The following IDI1 variants were observed in gnomAD, a reference collection of about 807,000 sequenced individuals.
IDI1 encodes isopentenyl-diphosphate Delta-isomerase 1.
In IDI1, 23 loss-of-function variants were observed where a neutral mutation model predicts 32.9. That is an observed-to-expected ratio of 0.70 (90% CI 0.50 to 0.99). The LOEUF (loss-of-function observed/expected upper bound fraction) is 0.99, where lower values mean the gene tolerates loss of function less well. Ranked by LOEUF, IDI1 falls within the 50% of genes least tolerant of loss-of-function variation. IDI1 has a pLI of 0.00. For synonymous variants in IDI1, 133 were observed against 128.2 expected (o/e 1.04, Z -0.25); for missense variants, 326 against 351.9 (o/e 0.93, Z 0.59).
At chr10:1,055,008 C>CA in the IDI1 span, among the ~76,000 whole-genome samples, 1 of 152,222 alleles carries the variant, frequency 6.6e-6, no homozygotes, top group Non-Finnish European at 1.5e-5. Flanking sequence ...TCACAGCTCT[C>CA]AGAAGGAATC....
At chr10:1,042,974 TG>T (rs1201747977) in intron 3 of IDI1, among the ~76,000 whole-genome samples, 2 of 152,258 alleles carry the variant, frequency 1.3e-5, no homozygotes, top group African/African-American at 4.8e-5. Context: ...TTGGTTATAA[TG>T]GGCTATCAGT....
chr10:1,050,299 T>C (rs1313835952), upstream of IDI1, among the ~76,000 whole-genome samples: 1 of 152,236 alleles, frequency 6.6e-6, no homozygotes, highest in African/African-American at 2.4e-5. Flanking sequence ...TGTTGACAGA[T>C]CTCTTTCATG....
upstream of IDI1, among the ~76,000 whole-genome samples, chr10:1,050,146 A>G (rs1377479162): frequency 6.6e-6 from 1 of 152,208 alleles, no homozygotes; most frequent in South Asian, 2.1e-4. Flanking sequence ...GCTTTTGCTC[A>G]CTGTTGTTTA....
chr10:1,048,181 G>T, intron 1 of IDI1: 1 of 1,219,516 alleles, frequency 8.2e-7, no homozygotes, highest in Non-Finnish European at 1.1e-6. Flanking sequence ...GCTCTTTCAG[G>T]ATTTTCAGAA....
upstream of IDI1, among the ~76,000 whole-genome samples, chr10:1,050,111 T>TAA (rs1458575963): frequency 1.3e-5 from 2 of 152,194 alleles, no homozygotes; most frequent in Non-Finnish European, 2.9e-5. Context: ...TGCACTCTCT[T>TAA]AAAATGTACT....
intron 3 of IDI1, 30 bp from the exon 4 acceptor site, chr10:1,042,792 A>G: frequency 6.3e-7 from 1 of 1,599,806 alleles, no homozygotes; most frequent in Non-Finnish European, 8.6e-7. Context: ...AGACAGATCA[A>G]CTTTTCTTCA....
chr10:1,040,147 C>T lies in IDI1; in HGVS notation c.*1040G>A, dbSNP rs1309040481. On this transcript the variant is annotated 3_prime_UTR_variant, in exon 5 of 5. Coordinates refer to ENST00000381344, the MANE Select transcript of IDI1 (RefSeq NM_004508.4). ...GCAAGTTTATAAAAAGTACATTGAT[C>T]AAGGTACAATTTTTAACATTAATAT... The T allele has an allele frequency of 1.3e-5, 2 of 152,130 alleles. No individual in the cohort carries two copies. Among genetic ancestry groups the T allele is most frequent in the Non-Finnish European group, 2.9e-5 (2 of 68,026 alleles). 9.4% of individuals were successfully genotyped at this position (152,130 alleles called of 1,614,324 possible).
At chr10:1,055,637 T>C in the IDI1 span, among the ~76,000 whole-genome samples, 1 of 152,254 alleles carries the variant, frequency 6.6e-6, no homozygotes, top group Non-Finnish European at 1.5e-5. Flanking sequence ...AATATTTTTT[T>C]CCTTGGCGTT....
chr10:1,045,737 G>C (rs988899215), intron 1 of IDI1, among the ~76,000 whole-genome samples: 2 of 152,250 alleles, frequency 1.3e-5, no homozygotes, highest in Non-Finnish European at 2.9e-5. Flanking sequence ...AAAGTGTTGA[G>C]ATTACAGGAG....
intron 1 of IDI1, among the ~76,000 whole-genome samples, chr10:1,044,410 C>T (rs144487171): frequency 1.3e-5 from 2 of 152,284 alleles, no homozygotes; most frequent in East Asian, 1.9e-4. Flanking sequence ...CTCAACGTTC[C>T]GCTCTAAATT....
chr10:1,045,988 G>A (rs1356685318), intron 1 of IDI1, among the ~76,000 whole-genome samples: 6 of 152,150 alleles, frequency 3.9e-5, no homozygotes, highest in South Asian at 4.2e-4. Flanking sequence ...AATCAAGAGG[G>A]AAAATAATGT....
In IDI1 at chr10:1,048,920, A is replaced by C; in HGVS notation, c.84T>G (p.Cys28Trp). 1 of 1,601,638 alleles carries C rather than the reference A, an allele frequency of 6.2e-7. No homozygotes were observed. The highest frequency in any genetic ancestry group is 1.1e-5 in the South Asian group (1 of 90,084). Residue 28 changes from cysteine to tryptophan, a missense_variant, in exon 1 of 5, where the codon TGT (cysteine) becomes TGG (tryptophan). Cys to Trp is a radical substitution (Grantham distance 215). Coordinates refer to ENST00000381344, the MANE Select transcript of IDI1 (RefSeq NM_004508.4). ...GTCCCGGATGGCGCCCGCTTTGAGC[A>C]CAGTCTGCGGCGCGCACCGCCCACT... ...RGQWAVRAADCAQSGRHPGPA... is the reference protein window; with the variant it reads ...RGQWAVRAADWAQSGRHPGPA...
intron 3 of IDI1, 77 bp downstream of exon 3, chr10:1,043,224 T>C (rs1832670260): frequency 8.9e-6 from 8 of 898,830 alleles, no homozygotes; most frequent in Admixed American, 7.9e-5. Flanking sequence ...CTTTGTGACC[T>C]TGGCTCCAAG....
At chr10:1,049,222 A>G (rs1326110543), upstream of IDI1, 1 of 698,310 alleles carries the variant, frequency 1.4e-6, no homozygotes. Context: ...GAGACCACAG[A>G]CGCCGCCAGC....
At chr10:1,054,202 G>A in the IDI1 span, among the ~76,000 whole-genome samples, 2 of 152,204 alleles carry the variant, frequency 1.3e-5, no homozygotes. Flanking sequence ...CTTGCTCCAT[G>A]CAGGGCTGCC....
rs774077936 is a variant in IDI1, at chr10:1,041,322, CAGA to C, written c.717_719del (p.Leu240del). 3 of 1,613,780 alleles carry C rather than the reference CAGA, an allele frequency of 1.9e-6. No individual in the cohort carries two copies. The highest frequency in any genetic ancestry group is 2.2e-5 in the South Asian group (2 of 91,078). Reference sequence around the variant, plus strand: ...TAATTTCACCACTGGCTGCTTTTTTCAGAAGTTCTTTTAGTTCTTCCTTTGACA... The same window carrying C: ...TAATTTCACCACTGGCTGCTTTTTTCAGTTCTTTTAGTTCTTCCTTTGACA... On this transcript the variant is annotated inframe_deletion, in exon 5 of 5. Coordinates refer to ENST00000381344, the MANE Select transcript of IDI1 (RefSeq NM_004508.4).
the IDI1 span, among the ~76,000 whole-genome samples, chr10:1,055,951 G>GGC: frequency 1.3e-5 from 2 of 152,096 alleles, no homozygotes; most frequent in Non-Finnish European, 2.9e-5. Flanking sequence ...AGGGGTTACA[G>GGC]GCGCGCGCCG....
the IDI1 span, among the ~76,000 whole-genome samples, chr10:1,056,055 C>T: frequency 6.6e-6 from 1 of 152,180 alleles, no homozygotes; most frequent in African/African-American, 2.4e-5. Flanking sequence ...GATACGTCGG[C>T]CTCGGCCTCC....
intron 1 of IDI1, chr10:1,048,636 C>A (rs1742758237): frequency 7.1e-7 from 1 of 1,409,352 alleles, no homozygotes; most frequent in Admixed American, 3.2e-5. Flanking sequence ...TCTCTGACGC[C>A]CCGACTCACG....
Sources: gnomAD v4.1 joint callset for allele counts (sites outside exome capture counted in the v4.1 genomes callset) on GRCh38, gnomAD v4.1.1 for gene constraint, MANE v1.5 for transcripts, NCBI Gene and HGNC (gene_info 2026-07-23, HGNC 2026-07-21) for gene names.